The following CPNE3 variants were observed in gnomAD, a reference collection of about 807,000 sequenced individuals.
CPNE3 encodes the protein copine 3.
A neutral mutation model predicts 63.9 loss-of-function variants in CPNE3; 68 were observed. The ratio of observed to expected loss-of-function variants is 1.06; its 90% CI spans 0.87 to 1.30. CPNE3 has a LOEUF of 1.30. CPNE3 is among the 50% of genes most tolerant of loss of function. The pLI is 0.00. For missense variants in CPNE3, 665 were observed against 578.1 expected (o/e 1.15, Z -1.54); for synonymous variants, 219 against 197.5 (o/e 1.11, Z -0.91).
chr8:86,551,259 A>G (rs1476011581), intron 14 of CPNE3, 25 bp downstream of exon 14: 1 of 1,484,378 alleles, frequency 6.7e-7, no homozygotes, highest in Non-Finnish European at 9.4e-7. Context: ...AAACATGAAG[A>G]CTTCAAATGG....
At chr8:86,554,818 T>C (rs1325242829) in intron 14 of CPNE3, 33 bp from the exon 15 acceptor site, 26 of 1,607,586 alleles carry the variant, frequency 1.6e-5, no homozygotes, top group Non-Finnish European at 2.2e-5. Context: ...TGAGAATTTT[T>C]AGTACTGTTT....
chr8:86,554,977 C>G lies in CPNE3; in HGVS notation c.1247C>G (p.Thr416Arg), dbSNP rs371601967. Reference sequence around the variant, plus strand: ...GCTGCTGCAGCCACGCAACAGCAGACAGCTTCTGTAAGTGCTCTATGGCCA... The same window carrying G: ...GCTGCTGCAGCCACGCAACAGCAGAGAGCTTCTGTAAGTGCTCTATGGCCA... ...RFAAAATQQQ[T>R]ASQYFVLLII... is the part of the protein sequence containing the mutation. The change falls in exon 15 of 17, where the codon ACA becomes AGA. Residue 416 changes from threonine (T) to arginine (R), a missense_variant. Thr to Arg is a moderately conservative substitution (Grantham distance 71). Coordinates refer to ENST00000517490, the MANE Select transcript of CPNE3 (RefSeq NM_003909.5). 5.6e-6 allele frequency: 9 copies of G among 1,613,956 alleles called. No individual in the cohort carries two copies. The African/African-American group carries it at 9.3e-5, about 17-fold the overall frequency.
At chr8:86,515,803 A>G (rs960801614) in intron 2 of CPNE3, among the ~76,000 whole-genome samples, 1 of 152,216 alleles carries the variant, frequency 6.6e-6, no homozygotes, top group Admixed American at 6.5e-5. Context: ...ATATATAGCC[A>G]CATATATCCT....
rs1358336019 is a variant in CPNE3, at chr8:86,561,001, A to T, written c.*2591A>T. ...GAGGAAATAATATACCAGCTAATCT[A>T]GTCACCTAACCTTGTGGTTAGAATT... On this transcript the variant is annotated 3_prime_UTR_variant, in exon 17 of 17. Coordinates refer to ENST00000517490, the MANE Select transcript of CPNE3 (RefSeq NM_003909.5). 6.6e-6 allele frequency: 1 copy of T among 152,220 alleles called. No individual in the cohort carries two copies. Among genetic ancestry groups the T allele is most frequent in the Non-Finnish European group, 1.5e-5 (1 of 68,030 alleles). The allele number at this position is 152,220 out of a possible 1,614,324, so 9.4% of individuals were successfully genotyped here. A position where few individuals can be genotyped will look rare whatever the true frequency, so the allele number is the denominator to read the frequency against.
rs991990281 is a variant in CPNE3, at chr8:86,542,117, C to G, written c.633+1783C>G. On this transcript the variant is annotated intron_variant, in intron 8 of 16. Coordinates refer to ENST00000517490, the MANE Select transcript of CPNE3 (RefSeq NM_003909.5). ...CTGAGCTTTCTCTAATGAATGTCTT[C>G]CATTCTTAAAACTTTCTTGGTTTGT... Among the ~76,000 whole-genome samples the G allele has an allele frequency of 2.0e-5, 3 of 152,290 alleles. No homozygotes were observed. In the East Asian group the frequency reaches 5.8e-4, roughly 29 times the overall value.
chr8:86,515,390 G>A (rs1820272565), intron 1 of CPNE3, 72 bp from the exon 2 acceptor site: 1 of 152,232 alleles, frequency 6.6e-6, no homozygotes, highest in African/African-American at 2.4e-5. Flanking sequence ...GTGCTAGACA[G>A]TTTTTATATG....
chr8:86,527,952 T>TTTTTTTTTTTTTTTTTTTTTTTTTTG (rs1820575461), intron 2 of CPNE3, among the ~76,000 whole-genome samples: 1 of 131,878 alleles, frequency 7.6e-6, no homozygotes, highest in African/African-American at 3.0e-5. Context: ...AGAAATTTTT[T>TTTTTTTTTTTTTTTTTTTTTTTTTTG]TTTTTTTTTT....
chr8:86,528,172 A>G (rs1820581553), intron 2 of CPNE3, among the ~76,000 whole-genome samples: 1 of 151,812 alleles, frequency 6.6e-6, no homozygotes, highest in South Asian at 2.1e-4. Flanking sequence ...ATGGTCTCAA[A>G]TTCCTAAGCT....
intron 14 of CPNE3, among the ~76,000 whole-genome samples, chr8:86,553,605 C>T (rs891505283): frequency 2.0e-5 from 3 of 152,102 alleles, no homozygotes; most frequent in African/African-American, 2.4e-5. Flanking sequence ...GATGTTCATA[C>T]GATGATGAAA....
Position 86,558,665 on chromosome 8 carries a change from G to T in CPNE3, c.*255G>T. 1 of 380,054 alleles carries T rather than the reference G, an allele frequency of 2.6e-6. No homozygotes were observed. Among genetic ancestry groups the T allele is most frequent in the Non-Finnish European group, 4.9e-6 (1 of 205,276 alleles). 23.5% of individuals were successfully genotyped at this position (380,054 alleles called of 1,614,324 possible). ...GTAAAGCTCTTTGGATTAGAAATTA[G>T]TGTGGGGAAAGCTTATTCTGTTGTT... On this transcript the variant is annotated 3_prime_UTR_variant, in exon 17 of 17. Transcript: ENST00000517490.
chr8:86,526,647 G>T (rs1165561792), intron 2 of CPNE3, among the ~76,000 whole-genome samples: 1 of 151,944 alleles, frequency 6.6e-6, no homozygotes, highest in Admixed American at 6.6e-5. Flanking sequence ...AGAGTAGCTG[G>T]GATCACAGGC....
intron 15 of CPNE3, 67 bp from the exon 16 acceptor site, chr8:86,556,035 A>T: frequency 1.2e-6 from 1 of 812,134 alleles, no homozygotes; most frequent in Non-Finnish European, 2.2e-6. Context: ...TGGATGACTC[A>T]TCAAGCCAGA....
chr8:86,523,322 G>A (rs1266622535), intron 2 of CPNE3, among the ~76,000 whole-genome samples: 1 of 152,154 alleles, frequency 6.6e-6, no homozygotes, highest in African/African-American at 2.4e-5. Context: ...ATTAGTGATG[G>A]GAAAGAAATT....
Position 86,560,383 on chromosome 8 carries a change from G to A in CPNE3, c.*1973G>A, listed in dbSNP as rs983648793. ...ACAGAAGTGAGCTTATCTGTTTGAT[G>A]CTGTGGCAGGGTCCCAGTCACTGGG... On this transcript the variant is annotated 3_prime_UTR_variant, in exon 17 of 17. Transcript: ENST00000517490. 2 of 152,144 alleles carry A rather than the reference G, an allele frequency of 1.3e-5. No homozygotes were observed. The highest frequency in any genetic ancestry group is 4.8e-5 in the African/African-American group (2 of 41,434). The allele number at this position is 152,144 out of a possible 1,614,324, so 9.4% of individuals were successfully genotyped here. A position where few individuals can be genotyped will look rare whatever the true frequency, so the allele number is the denominator to read the frequency against.
At chr8:86,520,230 G>A (rs947343798) in intron 2 of CPNE3, among the ~76,000 whole-genome samples, 1 of 152,124 alleles carries the variant, frequency 6.6e-6, no homozygotes, top group East Asian at 1.9e-4. Context: ...TTAAAGAAAG[G>A]GATTGACTCA....
At chr8:86,534,323 A>T (rs10481197) in intron 6 of CPNE3, among the ~76,000 whole-genome samples, 112,062 of 151,998 alleles carry the variant, frequency 0.74, 42,270 homozygotes, top group African/African-American at 0.84. Flanking sequence ...GTTTTCGGGA[A>T]GTTTGTGATC....
chr8:86,532,649 A>G lies in CPNE3; in HGVS notation c.459+69A>G. 4.5e-6 allele frequency: 6 copies of G among 1,345,528 alleles called. No homozygotes were observed. In the South Asian group the frequency reaches 6.2e-5, roughly 14 times the overall value. 83.3% of individuals were successfully genotyped at this position (1,345,528 alleles called of 1,614,324 possible). ...CTCTTTTTTAAGAAAATAAAAATGC[A>G]GTTAATATCATGAACTCCATCATTG... On this transcript the variant is annotated intron_variant, in intron 6 of 16. Coordinates refer to ENST00000517490, the MANE Select transcript of CPNE3 (RefSeq NM_003909.5).
At chr8:86,555,133 T>C in intron 15 of CPNE3, 149 bp downstream of exon 15, 1 of 1,123,606 alleles carries the variant, frequency 8.9e-7, no homozygotes, top group Non-Finnish European at 1.2e-6. Context: ...ACTTTTGTTG[T>C]TGTTATACTA....
chr8:86,543,146 T>A (rs1285962332), intron 8 of CPNE3, among the ~76,000 whole-genome samples: 4 of 152,158 alleles, frequency 2.6e-5, no homozygotes, highest in African/African-American at 9.7e-5. Context: ...AAATTTCTTT[T>A]CCCTTGGCAC....
Sources: allele counts gnomAD v4.1 joint callset (sites outside exome capture counted in the v4.1 genomes callset), GRCh38; gene constraint gnomAD v4.1.1; transcripts MANE v1.5; gene names NCBI Gene and HGNC (gene_info 2026-07-23, HGNC 2026-07-21).